PBRM1: variants seen among roughly 807,000 people sequenced by gnomAD.
PBRM1 encodes protein polybromo-1.
Under a neutral mutation model 194.5 loss-of-function variants are expected in PBRM1, and 27 were observed. The observed-to-expected ratio is 0.14, with a 90% CI of 0.10 to 0.19. The LOEUF is 0.19. Ranked by LOEUF, PBRM1 falls within the 10% of genes least tolerant of loss-of-function variation. The pLI is 1.00. For missense variants in PBRM1, 1,466 were observed against 2,077.2 expected, an observed-to-expected ratio of 0.71 and a Z score of 5.72; for synonymous variants, 655 against 693.2, an observed-to-expected ratio of 0.94 and a Z score of 0.87.
intron 15 of PBRM1, among the ~76,000 whole-genome samples, chr3:52,611,517 T>C (rs927674160): frequency 4.6e-5 from 7 of 152,084 alleles, no homozygotes; most frequent in East Asian, 1.9e-4. Context: ...AAGTACAACA[T>C]AGTGGGCCAG....
chr3:52,627,387 C>T lies in PBRM1; in HGVS notation c.1444-17G>A. ...CTTCTTTGCCTAAAACAGAGCAGATCTCAGGAGTTGAGCTCATGTGCCAAA... is the reference window on the plus strand; with the variant it reads ...CTTCTTTGCCTAAAACAGAGCAGATTTCAGGAGTTGAGCTCATGTGCCAAA... On this transcript the variant is annotated splice_polypyrimidine_tract_variant and intron_variant, in intron 12 of 29. Coordinates refer to ENST00000296302, the Ensembl canonical transcript of PBRM1. The T allele has an allele frequency of 1.3e-6, 2 of 1,533,320 alleles. No homozygotes were observed. The highest frequency in any genetic ancestry group is 2.2e-5 in the South Asian group (2 of 89,372). 95.0% of individuals were successfully genotyped at this position (1,533,320 alleles called of 1,614,324 possible). A position where few individuals can be genotyped will look rare whatever the true frequency, so the allele number is the denominator to read the frequency against.
intron 20 of PBRM1, chr3:52,585,391 G>A (rs2092212889): frequency 6.6e-6 from 1 of 152,046 alleles, no homozygotes; most frequent in African/African-American, 2.4e-5. Context: ...ATTTCTTCAT[G>A]TTGTTGTACA....
chr3:52,644,087 A>G (rs2096213959), intron 8 of PBRM1, among the ~76,000 whole-genome samples: 1 of 151,830 alleles, frequency 6.6e-6, no homozygotes, highest in African/African-American at 2.4e-5. Flanking sequence ...TATTATATAT[A>G]AATACCATAC....
intron 2 of PBRM1, among the ~76,000 whole-genome samples, chr3:52,676,419 A>G (rs1205364049): frequency 2.6e-5 from 4 of 152,056 alleles, no homozygotes; most frequent in South Asian, 4.2e-4. Flanking sequence ...ATGAGATCTG[A>G]TGGGTTTATT....
At chr3:52,641,867 C>A in intron 10 of PBRM1, 87 bp downstream of exon 11, 2 of 853,558 alleles carry the variant, frequency 2.3e-6, no homozygotes, top group Non-Finnish European at 4.1e-6. Flanking sequence ...AACCAGCAAA[C>A]CCTAGGCCAG....
At chr3:52,662,722 A>G (rs2096749860) in intron 3 of PBRM1, among the ~76,000 whole-genome samples, 1 of 151,260 alleles carries the variant, frequency 6.6e-6, no homozygotes, top group Admixed American at 6.6e-5. Context: ...GCTACTTGGG[A>G]GGCTGAGGCA....
chr3:52,611,506 A>C (rs936355464), intron 15 of PBRM1, among the ~76,000 whole-genome samples: 6 of 152,206 alleles, frequency 3.9e-5, no homozygotes, highest in Non-Finnish European at 8.8e-5. Flanking sequence ...GGAACACATG[A>C]AAGTACAACA....
intron 10 of PBRM1, among the ~76,000 whole-genome samples, chr3:52,635,397 C>T (rs1032362842): frequency 6.6e-6 from 1 of 151,996 alleles, no homozygotes; most frequent in African/African-American, 2.4e-5. Context: ...GAAACCCCGT[C>T]TCTACTAAAA....
chr3:52,563,198 G>C (rs1276902393), intron 24 of PBRM1, 85 bp downstream of exon 26: 12 of 894,922 alleles, frequency 1.3e-5, no homozygotes, highest in Admixed American at 6.7e-5. Flanking sequence ...ATATGGAGGG[G>C]CTGGATGTCA....
At chr3:52,625,021 G>A in intron 13 of PBRM1, 80 bp from the exon 15 acceptor site, 1 of 939,812 alleles carries the variant, frequency 1.1e-6, no homozygotes, top group South Asian at 1.4e-5. Flanking sequence ...AACCATGTAT[G>A]GTTGAAGAAA....
chr3:52,677,128 CATG>C (rs984502977), intron 2 of PBRM1, among the ~76,000 whole-genome samples: 3 of 152,162 alleles, frequency 2.0e-5, no homozygotes, highest in Non-Finnish European at 4.4e-5. Flanking sequence ...GGAAAAGCTT[CATG>C]ATATTGGATT....
intron 26 of PBRM1, 74 bp from the exon 29 acceptor site, chr3:52,554,953 C>T (rs1275537028): frequency 2.5e-6 from 3 of 1,187,298 alleles, no homozygotes; most frequent in South Asian, 2.6e-5. Flanking sequence ...AACCAACCCC[C>T]ACATGCACTA....
intron 16 of PBRM1, among the ~76,000 whole-genome samples, chr3:52,606,819 A>G (rs2153391349): frequency 6.6e-6 from 1 of 152,350 alleles, no homozygotes; most frequent in East Asian, 1.9e-4. Context: ...GTCTGGGAAT[A>G]CTGCCAGCAG....
intron 6 of PBRM1, among the ~76,000 whole-genome samples, chr3:52,648,842 T>C (rs1399306184): frequency 6.6e-6 from 1 of 152,200 alleles, no homozygotes; most frequent in Non-Finnish European, 1.5e-5. Context: ...ATGAACCACT[T>C]GGGGTAAAAT....
rs374259925 is a variant in PBRM1, at chr3:52,651,759, T to C, written c.697A>G (p.Ile233Val). 4 of 1,600,680 alleles carry C rather than the reference T, an allele frequency of 2.5e-6. No homozygotes were observed. The African/African-American group carries it at 5.4e-5, about 22-fold the overall frequency. ...CTTCATACCTGTATCCTCTGGGCAA[T>C]GGTCTTGAGATCTATAGGCTCCTTA... is the stretch of plus-strand genomic sequence containing the variant. Residue 233 changes from isoleucine to valine, a missense_variant, in exon 6 of 30, where the codon ATT becomes GTT. Transcript: ENST00000296302.
intron 20 of PBRM1, among the ~76,000 whole-genome samples, chr3:52,579,656 G>A (rs1327175756): frequency 6.6e-6 from 1 of 151,704 alleles, no homozygotes; most frequent in Non-Finnish European, 1.5e-5. Context: ...CTCTGAAGGA[G>A]GCTAGGAAAC....
intron 22 of PBRM1, among the ~76,000 whole-genome samples, chr3:52,565,396 T>TA (rs1219661728): frequency 6.6e-6 from 1 of 151,366 alleles, no homozygotes; most frequent in Non-Finnish European, 1.5e-5. Context: ...TAAGCCCAGC[T>TA]ACTCAGGAGG....
chr3:52,679,133 C>T (rs1429871446), intron 1 of PBRM1, among the ~76,000 whole-genome samples: 1 of 152,222 alleles, frequency 6.6e-6, no homozygotes, highest in East Asian at 1.9e-4. Flanking sequence ...CTGGAACTCT[C>T]TTCCAGCGAA....
At chr3:52,561,177 G>C (rs1385026062) in intron 25 of PBRM1, among the ~76,000 whole-genome samples, 3 of 152,144 alleles carry the variant, frequency 2.0e-5, no homozygotes, top group African/African-American at 2.4e-5. Context: ...CCAAATTCTT[G>C]AATGACAGCT....
Sources: allele counts gnomAD v4.1 joint callset (sites outside exome capture counted in the v4.1 genomes callset), GRCh38; gene constraint gnomAD v4.1.1; transcripts MANE v1.5; gene names NCBI Gene and HGNC (gene_info 2026-07-23, HGNC 2026-07-21).